Variants in TENT4B observed in about 807,000 individuals in gnomAD.
TENT4B encodes the protein PAP associated domain containing 5.
A neutral mutation model predicts 75.0 loss-of-function variants in TENT4B; 10 were observed. The observed-to-expected ratio is 0.13, with a 90% CI of 0.08 to 0.23. The LOEUF is 0.23. TENT4B is among the 10% of genes least tolerant of loss of function. The pLI is 1.00. For synonymous variants in TENT4B, 350 were observed against 357.7 expected, an observed-to-expected ratio of 0.98 and a Z score of 0.24; for missense variants, 579 against 893.8, an observed-to-expected ratio of 0.65 and a Z score of 4.49.
At chr16:50,182,756 G>A (rs920583306) in intron 1 of TENT4B, among the ~76,000 whole-genome samples, 1 of 151,822 alleles carries the variant, frequency 6.6e-6, no homozygotes, top group South Asian at 2.1e-4. Context: ...TTTTCACCTA[G>A]TATTTCCATC....
At chr16:50,196,449 C>T (rs1250109347) in intron 1 of TENT4B, among the ~76,000 whole-genome samples, 4 of 151,864 alleles carry the variant, frequency 2.6e-5, no homozygotes, top group East Asian at 1.9e-4. Flanking sequence ...ATTTGTTTAC[C>T]GGGAAGCCAT....
chr16:50,213,153 A>G (rs1002962166), intron 2 of TENT4B, among the ~76,000 whole-genome samples: 1 of 151,716 alleles, frequency 6.6e-6, no homozygotes, highest in Non-Finnish European at 1.5e-5. Context: ...TTTGCCTCCC[A>G]GGTTCAAGAA....
At chr16:50,226,218 C>T (rs577149467) in intron 10 of TENT4B, among the ~76,000 whole-genome samples, 1 of 151,766 alleles carries the variant, frequency 6.6e-6, no homozygotes, top group Non-Finnish European at 1.5e-5. Flanking sequence ...CCAGGCTGGT[C>T]TCGAATTCCT....
intron 1 of TENT4B, among the ~76,000 whole-genome samples, chr16:50,193,353 T>TTTTTA (rs2029984630): frequency 1.3e-5 from 2 of 149,114 alleles, no homozygotes; most frequent in Non-Finnish European, 3.0e-5. Context: ...TTTTTTTTTT[T>TTTTTA]GTGAGACGGA....
intron 3 of TENT4B, among the ~76,000 whole-genome samples, chr16:50,215,369 C>A (rs1255769289): frequency 6.6e-6 from 1 of 152,106 alleles, no homozygotes; most frequent in African/African-American, 2.4e-5. Context: ...TGCCCTTGGC[C>A]TGCAAAAGTC....
At chr16:50,198,085 G>C (rs2030392840) in intron 1 of TENT4B, among the ~76,000 whole-genome samples, 1 of 147,448 alleles carries the variant, frequency 6.8e-6, no homozygotes, top group Non-Finnish European at 1.5e-5. Flanking sequence ...ACACACAAAA[G>C]TCAGTATCTG....
chr16:50,154,391 G>GATGGCCAGCAGCACCCCC, intron 1 of TENT4B, 132 bp downstream of exon 1: 1 of 1,304,496 alleles, frequency 7.7e-7, no homozygotes, highest in Non-Finnish European at 9.8e-7. Context: ...GTTGCACGGG[G>GATGGCCAGCAGCACCCCC]GTGCTGCTGG....
chr16:50,173,896 G>C (rs2038252994), intron 1 of TENT4B, among the ~76,000 whole-genome samples: 1 of 152,018 alleles, frequency 6.6e-6, no homozygotes, highest in Non-Finnish European at 1.5e-5. Flanking sequence ...ATTTCACCAT[G>C]TTGGCCAGGC....
chr16:50,186,238 C>T (rs2038524053), intron 1 of TENT4B, among the ~76,000 whole-genome samples: 1 of 152,010 alleles, frequency 6.6e-6, no homozygotes, highest in South Asian at 2.1e-4. Context: ...TGCTGGCAAT[C>T]ACCATTCTAC....
At chr16:50,169,133 A>G (rs953671386) in intron 1 of TENT4B, among the ~76,000 whole-genome samples, 3 of 152,224 alleles carry the variant, frequency 2.0e-5, no homozygotes, top group Non-Finnish European at 4.4e-5. Flanking sequence ...AGTTTGCTCA[A>G]ATCAAAATCC....
At chr16:50,174,861 G>A (rs1426805031) in intron 1 of TENT4B, among the ~76,000 whole-genome samples, 1 of 149,578 alleles carries the variant, frequency 6.7e-6, no homozygotes, top group African/African-American at 2.5e-5. Flanking sequence ...CTCTGCCTCA[G>A]CCTCCCGAGT....
chr16:50,229,237 A>G lies in TENT4B; in HGVS notation c.2051A>G (p.Lys684Arg), dbSNP rs755745957. ...QTSHGSLMTN[K>R]QHQGKSNNQY... is the part of the protein sequence containing the mutation. Reference sequence around the variant, plus strand: ...AGCCATGGTTCCTTGATGACAAACAAACAACATCAAGGCAAATCCAATAAT... The same window carrying G: ...AGCCATGGTTCCTTGATGACAAACAGACAACATCAAGGCAAATCCAATAAT... The change falls in exon 12 of 12, where the codon AAA becomes AGA. Residue 684 changes from lysine to arginine, a missense_variant. Coordinates refer to ENST00000561678, the MANE Select transcript of TENT4B (RefSeq NM_001365324.3). 3.1e-6 allele frequency: 5 copies of G among 1,614,048 alleles called. No individual in the cohort carries two copies. Among genetic ancestry groups the G allele is most frequent in the Non-Finnish European group, 4.2e-6 (5 of 1,179,894 alleles).
intron 1 of TENT4B, among the ~76,000 whole-genome samples, chr16:50,170,507 G>A (rs1464350465): frequency 6.6e-6 from 1 of 152,116 alleles, no homozygotes; most frequent in African/African-American, 2.4e-5. Flanking sequence ...AACAAGCATG[G>A]TAGCAGCAGC....
In TENT4B at chr16:50,153,848, C is replaced by G; in HGVS notation, c.227C>G (p.Pro76Arg). Residue 76 changes from proline to arginine, a missense_variant, in exon 1 of 12, where the codon CCG becomes CGG. Physicochemically the swap from Pro to Arg is moderately radical, Grantham distance 103. Coordinates refer to ENST00000561678, the MANE Select transcript of TENT4B (RefSeq NM_001365324.3). ...AGCCCCGGCGGCGCGGCCTCGGCCCCGGCCCCGGCCCCGGCCGGCATGTAT... is the reference window on the plus strand; with the variant it reads ...AGCCCCGGCGGCGCGGCCTCGGCCCGGGCCCCGGCCCCGGCCGGCATGTAT... ...TGSPGGAASA[P>R]APAPAGMYRS... 1.5e-6 allele frequency: 2 copies of G among 1,343,390 alleles called. No individual in the cohort carries two copies. The highest frequency in any genetic ancestry group is 1.9e-6 in the Non-Finnish European group (2 of 1,052,762). The allele number at this position is 1,343,390 out of a possible 1,614,324, so 83.2% of individuals were successfully genotyped here.
At chr16:50,186,481 C>G (rs572549929) in intron 1 of TENT4B, among the ~76,000 whole-genome samples, 1 of 152,168 alleles carries the variant, frequency 6.6e-6, no homozygotes, top group South Asian at 2.1e-4. Flanking sequence ...TTTTTTCATT[C>G]AACCTTGATG....
chr16:50,208,816 T>A (rs2031123490), intron 1 of TENT4B, among the ~76,000 whole-genome samples: 1 of 152,078 alleles, frequency 6.6e-6, no homozygotes, highest in Non-Finnish European at 1.5e-5. Context: ...CACTGCAGCC[T>A]CCACCTCCCA....
At chr16:50,211,803 G>A (rs533837662) in intron 2 of TENT4B, among the ~76,000 whole-genome samples, 1 of 152,256 alleles carries the variant, frequency 6.6e-6, no homozygotes, top group Non-Finnish European at 1.5e-5. Flanking sequence ...TTACTACTTA[G>A]TTCCAGCCTG....
intron 10 of TENT4B, among the ~76,000 whole-genome samples, chr16:50,226,131 C>T (rs562983545): frequency 6.6e-6 from 1 of 152,070 alleles, no homozygotes; most frequent in East Asian, 1.9e-4. Flanking sequence ...TCCTGAGTAT[C>T]TAGGATTACA....
chr16:50,167,900 T>G (rs2038132704), intron 1 of TENT4B, among the ~76,000 whole-genome samples: 1 of 152,128 alleles, frequency 6.6e-6, no homozygotes, highest in Non-Finnish European at 1.5e-5. Flanking sequence ...CAAGCAATCC[T>G]CTCATCTCGG....
Sources: allele counts gnomAD v4.1 joint callset (sites outside exome capture counted in the v4.1 genomes callset), GRCh38; gene constraint gnomAD v4.1.1; transcripts MANE v1.5; gene names NCBI Gene and HGNC (gene_info 2026-07-23, HGNC 2026-07-21).